The following HDAC9 variants were observed in gnomAD, a reference collection of about 807,000 sequenced individuals.
HDAC9 encodes the protein MEF-2 interacting transcription repressor (MITR) protein.
Under a neutral mutation model 139.4 loss-of-function variants are expected in HDAC9, and 41 were observed. That is an observed-to-expected ratio of 0.29 (90% CI 0.23 to 0.38). The LOEUF (loss-of-function observed/expected upper bound fraction) is 0.38, where lower values mean the gene tolerates loss of function less well. Ranked by LOEUF, HDAC9 falls within the 10% of genes least tolerant of loss-of-function variation. HDAC9 has a pLI of 1.00. For synonymous variants in HDAC9, 517 were observed against 476.2 expected, an observed-to-expected ratio of 1.09 and a Z score of -1.12; for missense variants, 1,147 against 1,297.0, an observed-to-expected ratio of 0.88 and a Z score of 1.78.
chr7:18,265,289 C>T (rs1358281872), intron 2 of HDAC9, among the ~76,000 whole-genome samples: 1 of 151,992 alleles, frequency 6.6e-6, no homozygotes, highest in East Asian at 1.9e-4. Context: ...AAAGGCAGGC[C>T]CAAGCAAAAA....
intron 2 of HDAC9, among the ~76,000 whole-genome samples, chr7:18,496,941 A>T (rs1019713242): frequency 6.6e-6 from 1 of 152,134 alleles, no homozygotes; most frequent in Non-Finnish European, 1.5e-5. Context: ...GAAGTCTAGC[A>T]TTGTCAGGCA....
intron 2 of HDAC9, among the ~76,000 whole-genome samples, chr7:18,268,362 A>G (rs538038030): frequency 7.2e-5 from 11 of 152,260 alleles, no homozygotes; most frequent in African/African-American, 2.6e-4. Flanking sequence ...TATTTAGCAC[A>G]TAGAATTTGC....
intron 16 of HDAC9, among the ~76,000 whole-genome samples, chr7:18,786,511 T>A: frequency 7.5e-6 from 1 of 134,142 alleles, no homozygotes; most frequent in Non-Finnish European, 1.6e-5. Flanking sequence ...CCTTCCTCTC[T>A]CTCATGTACT....
chr7:18,991,849 A>G (rs968797360), intron 25 of HDAC9, among the ~76,000 whole-genome samples: 1 of 152,242 alleles, frequency 6.6e-6, no homozygotes, highest in Non-Finnish European at 1.5e-5. Flanking sequence ...TAAACATTCA[A>G]TTAGAATATA....
rs147147488 is a variant in HDAC9 at position 18,426,260 on chromosome 7, C to T, written c.-41-70002C>T. 5.3e-5 allele frequency among the ~76,000 whole-genome samples: 8 copies of T among 152,282 alleles called. No homozygotes were observed. The East Asian group carries it at 1.5e-3, about 29-fold the overall frequency. Reference sequence around the variant, plus strand: ...TTTTGTTCATAGCAATCTCTGAAAGCAGCTGCTATGCAAGTCATTTGTCAT... The same window carrying T: ...TTTTGTTCATAGCAATCTCTGAAAGTAGCTGCTATGCAAGTCATTTGTCAT... On this transcript the variant is annotated intron_variant, in intron 1 of 3. Transcript: ENST00000413509.
intron 1 of HDAC9, among the ~76,000 whole-genome samples, chr7:18,490,087 A>G (rs912235728): frequency 6.6e-6 from 1 of 152,066 alleles, no homozygotes; most frequent in Non-Finnish European, 1.5e-5. Context: ...ATTGTTCTCT[A>G]AAAATGTTGG....
intron 2 of HDAC9, among the ~76,000 whole-genome samples, chr7:18,568,127 A>G (rs1823075513): frequency 6.6e-6 from 1 of 150,574 alleles, no homozygotes; most frequent in Admixed American, 6.6e-5. Context: ...ATAATTTATT[A>G]AAAGAAATTT....
rs142819093 is a variant in HDAC9 at position 18,397,154 on chromosome 7, C to T, written c.-41-99108C>T. Reference sequence around the variant, plus strand: ...TGGATGTGAATGGAAATAGAAGGCACACAGCTTTTAAATGGGTGAAGATGT... The same window carrying T: ...TGGATGTGAATGGAAATAGAAGGCATACAGCTTTTAAATGGGTGAAGATGT... On this transcript the variant is annotated intron_variant, in intron 1 of 3. Transcript: ENST00000413509. Among the ~76,000 whole-genome samples the T allele has an allele frequency of 4.4e-3, 668 of 152,176 alleles. 5 individuals carry two copies. The highest frequency in any genetic ancestry group is 0.015 in the African/African-American group (643 of 41,526).
chr7:18,782,237 T>C (rs1791303364), intron 16 of HDAC9, among the ~76,000 whole-genome samples: 1 of 152,104 alleles, frequency 6.6e-6, no homozygotes. Context: ...AAGGATAGTG[T>C]ACCACATTAA....
intron 5 of HDAC9, among the ~76,000 whole-genome samples, chr7:18,592,905 G>C (rs886278612): frequency 1.3e-5 from 2 of 152,012 alleles, no homozygotes; most frequent in Non-Finnish European, 2.9e-5. Context: ...AAAGATAATA[G>C]CATTAAATGA....
In HDAC9 at chr7:18,791,229, G is replaced by C. The variant is rs148251374; in HGVS notation, c.2215-2116G>C. On this transcript the variant is annotated intron_variant, in intron 16 of 25. Coordinates refer to ENST00000686413, the MANE Select transcript of HDAC9 (RefSeq NM_178425.4). ...AACAAAGCTTATGATGTACTCCAAA[G>C]TTGAGTAAAAAGGGCTTAGGAATTT... Among the ~76,000 whole-genome samples, 364 of 152,246 alleles carry C rather than the reference G, an allele frequency of 2.4e-3. 1 individual carries two copies. The highest frequency in any genetic ancestry group is 8.4e-3 in the African/African-American group (350 of 41,552).
At chr7:18,173,071 A>G (rs897889588) in intron 2 of HDAC9, among the ~76,000 whole-genome samples, 2 of 152,074 alleles carry the variant, frequency 1.3e-5, no homozygotes, top group Admixed American at 6.5e-5. Context: ...TCCCATTATT[A>G]TTGTGAGGGA....
intron 12 of HDAC9, among the ~76,000 whole-genome samples, chr7:18,699,364 C>CTG (rs374334891): frequency 1.5e-4 from 23 of 151,430 alleles, no homozygotes; most frequent in African/African-American, 5.1e-4. Flanking sequence ...GTAGGTGTGT[C>CTG]TGTGTGTGTG....
At chr7:18,569,089 A>G (rs1448858658) in intron 2 of HDAC9, among the ~76,000 whole-genome samples, 3 of 152,042 alleles carry the variant, frequency 2.0e-5, no homozygotes, top group African/African-American at 4.8e-5. Context: ...AAATTTGGCT[A>G]TAGATTGATT....
At chr7:18,972,684 G>C (rs1403377008) in intron 24 of HDAC9, among the ~76,000 whole-genome samples, 1 of 152,004 alleles carries the variant, frequency 6.6e-6, no homozygotes, top group African/African-American at 2.4e-5. Context: ...CCCAGCCTTT[G>C]ATGAGGTTCT....
chr7:18,710,684 A>T (rs1192001271), intron 12 of HDAC9, among the ~76,000 whole-genome samples: 1 of 152,230 alleles, frequency 6.6e-6, no homozygotes, highest in Non-Finnish European at 1.5e-5. Context: ...ATTCATACCT[A>T]GGAGTTGAAA....
intron 7 of HDAC9, among the ~76,000 whole-genome samples, chr7:18,633,632 T>C (rs1782985711): frequency 6.6e-6 from 1 of 152,038 alleles, no homozygotes; most frequent in African/African-American, 2.4e-5. Flanking sequence ...ATCCTGTCTC[T>C]GAAAAGCATG....
At chr7:18,407,692 G>A (rs1788144206) in intron 1 of HDAC9, among the ~76,000 whole-genome samples, 2 of 152,144 alleles carry the variant, frequency 1.3e-5, no homozygotes, top group South Asian at 2.1e-4. Flanking sequence ...GCACTAGGAT[G>A]CACCATTCGA....
chr7:18,540,565 A>G (rs1459345737), intron 2 of HDAC9, among the ~76,000 whole-genome samples: 1 of 152,116 alleles, frequency 6.6e-6, no homozygotes, highest in Non-Finnish European at 1.5e-5. Flanking sequence ...GGGTGTAGAC[A>G]TATCGGGGGT....
Sources: gnomAD v4.1 joint callset for allele counts (sites outside exome capture counted in the v4.1 genomes callset) on GRCh38, gnomAD v4.1.1 for gene constraint, MANE v1.5 for transcripts, NCBI Gene and HGNC (gene_info 2026-07-23, HGNC 2026-07-21) for gene names.